Variants in POTEC observed in about 807,000 individuals in gnomAD.
The protein encoded by POTEC is POTE ankyrin domain family member C.
Under a neutral mutation model 62.0 loss-of-function variants are expected in POTEC, and 35 were observed. The ratio of observed to expected loss-of-function variants is 0.56; its 90% confidence interval spans 0.43 to 0.75. POTEC has a LOEUF of 0.75. POTEC is among the 30% of genes least tolerant of loss of function. The pLI is 0.00. For missense variants in POTEC, 472 were observed against 655.9 expected, an observed-to-expected ratio of 0.72 and a Z score of 3.06; for synonymous variants, 156 against 221.5, an observed-to-expected ratio of 0.70 and a Z score of 2.62.
chr18:14,523,883 G>T (rs1910370820), intron 7 of POTEC, among the ~76,000 whole-genome samples: 1 of 152,080 alleles, frequency 6.6e-6, no homozygotes, highest in African/African-American at 2.4e-5. Flanking sequence ...GATTTGTAGT[G>T]TTCCAAAGGC....
In POTEC at chr18:14,512,012, C is replaced by T; in HGVS notation, c.1534-19G>A. ...GAGAAAGCTAAGTAAACAAAGGGAACTTTTAGTTAGCACTCAATAGAATGA... is the reference window on the plus strand; with the variant it reads ...GAGAAAGCTAAGTAAACAAAGGGAATTTTTAGTTAGCACTCAATAGAATGA... On this transcript the variant is annotated intron_variant, in intron 10 of 10. Transcript: ENST00000358970. 6.3e-7 allele frequency: 1 copy of T among 1,578,238 alleles called. No homozygotes were observed. The highest frequency in any genetic ancestry group is 1.1e-5 in the South Asian group (1 of 88,126).
intron 2 of POTEC, 31 bp downstream of exon 2, chr18:14,538,104 T>C (rs768502255): frequency 3.7e-5 from 56 of 1,503,816 alleles, no homozygotes; most frequent in Non-Finnish European, 4.6e-5. Context: ...ATCAAACCCA[T>C]CTCACGCTGA....
intron 4 of POTEC, among the ~76,000 whole-genome samples, chr18:14,533,566 TA>T (rs1238133076): frequency 8.5e-5 from 13 of 152,112 alleles, no homozygotes; most frequent in African/African-American, 2.9e-4. Flanking sequence ...GAAAATTAGC[TA>T]GGGGGTAAGA....
rs1021574629 is a variant in POTEC, at chr18:14,537,390, T to A, written c.810+411A>T. ...ATACATCACCTCATATCTATTAGTG[T>A]TTTTTTAGGAATTTGTCAAAGTAGC... is the stretch of plus-strand genomic sequence containing the variant. On this transcript the variant is annotated intron_variant, in intron 3 of 10. Coordinates refer to ENST00000358970, the MANE Select transcript of POTEC (RefSeq NM_001137671.2). 4.6e-5 allele frequency among the ~76,000 whole-genome samples: 7 copies of A among 152,022 alleles called. No homozygotes were observed. The South Asian group carries it at 8.3e-4, about 18-fold the overall frequency.
At position 14,537,873 on chromosome 18, in the gene POTEC, A is replaced by G; in HGVS notation, c.738T>C (p.Ala246=). 1.2e-6 allele frequency: 2 copies of G among 1,612,354 alleles called. No homozygotes were observed. The highest frequency in any genetic ancestry group is 2.2e-5 in the East Asian group (1 of 44,876). Residue 246 remains alanine (A), a synonymous_variant, in exon 3 of 11, where the codon GCT becomes GCC. Coordinates refer to ENST00000358970, the MANE Select transcript of POTEC (RefSeq NM_001137671.2). ...DEYGNTTLHY[A]VHNEDKLMAK... ...CCATTAATTTATCTTCATTGTGGACAGCATAGTGTAGAGTGGTATTTCCAT... is the reference window on the plus strand; with the variant it reads ...CCATTAATTTATCTTCATTGTGGACGGCATAGTGTAGAGTGGTATTTCCAT...
rs1909870609 is a variant in POTEC, at chr18:14,507,386, C to G, written c.*4512G>C. The G allele has an allele frequency of 6.6e-6, 1 of 151,168 alleles. No individual in the cohort carries two copies. The highest frequency in any genetic ancestry group is 1.5e-5 in the Non-Finnish European group (1 of 67,874). The allele number at this position is 151,168 out of a possible 1,614,324, so 9.4% of individuals were successfully genotyped here. A position where few individuals can be genotyped will look rare whatever the true frequency, so the allele number is the denominator to read the frequency against. On this transcript the variant is annotated 3_prime_UTR_variant, in exon 11 of 11. Transcript: ENST00000358970. ...TTGGTATAGTCTGTTTTGTCAGAAA[C>G]TAGGAGTGCAACACCTGCTTTTTTC...
chr18:14,513,954 A>T (rs1216456795), intron 9 of POTEC, among the ~76,000 whole-genome samples, 169 bp from the exon 10 acceptor site: 6 of 152,170 alleles, frequency 3.9e-5, no homozygotes, highest in African/African-American at 1.4e-4. Context: ...TCATGTTGGC[A>T]CCAGGGACTA....
intron 6 of POTEC, among the ~76,000 whole-genome samples, chr18:14,528,612 T>C (rs1011920333): frequency 2.0e-5 from 3 of 151,820 alleles, no homozygotes; most frequent in Admixed American, 6.6e-5. Context: ...AAAGGAGACA[T>C]GAATAAAACA....
At chr18:14,537,223 A>AAC (rs1905770462) in intron 3 of POTEC, among the ~76,000 whole-genome samples, 1 of 125,792 alleles carries the variant, frequency 7.9e-6, no homozygotes, top group East Asian at 2.8e-4. Flanking sequence ...AAAAAAAAAA[A>AAC]AACAAAAAAA....
intron 9 of POTEC, among the ~76,000 whole-genome samples, chr18:14,519,752 T>C (rs1183762932): frequency 6.6e-6 from 1 of 151,356 alleles, no homozygotes. Flanking sequence ...AGAAAGAAGA[T>C]TGAGGAGTGA....
chr18:14,521,850 A>G (rs1406577273), intron 9 of POTEC, among the ~76,000 whole-genome samples: 2 of 152,168 alleles, frequency 1.3e-5, no homozygotes, highest in African/African-American at 4.8e-5. Flanking sequence ...ACCAGGGTCT[A>G]CTTGAGGGTG....
In POTEC at chr18:14,510,612, C is replaced by T. The variant is rs987517807; in HGVS notation, c.*1286G>A. The T allele has an allele frequency of 2.6e-5, 4 of 152,290 alleles. No homozygotes were observed. Among genetic ancestry groups the T allele is most frequent in the African/African-American group, 9.7e-5 (4 of 41,438 alleles). 9.4% of individuals were successfully genotyped at this position (152,290 alleles called of 1,614,324 possible). The stretch of plus-strand genomic sequence containing the variant: ...GCCTGAGAAAAAGCAAAGACGATAG[C>T]CTGCCCTTCCCTCTGGGAGCTCTGT... On this transcript the variant is annotated 3_prime_UTR_variant, in exon 11 of 11. Coordinates refer to ENST00000358970, the MANE Select transcript of POTEC (RefSeq NM_001137671.2).
At chr18:14,537,208 CACA>C (rs1394894615) in intron 3 of POTEC, among the ~76,000 whole-genome samples, 1 of 75,238 alleles carries the variant, frequency 1.3e-5, no homozygotes, top group African/African-American at 8.8e-5. Flanking sequence ...CACACACACA[CACA>C]AAAAAAAAAA....
Position 14,511,903 on chromosome 18 carries a change from T to C in POTEC, c.1624A>G (p.Asn542Asp), listed in dbSNP as rs1160621001. Residue 542 changes from asparagine to aspartate, a missense_variant, in exon 11 of 11, where the codon AAC (asparagine) becomes GAC (aspartate). By Grantham distance (23) the Asn-to-Asp change is conservative (BLOSUM62 1). Around this residue, in one of 5 missense-constraint regions of POTEC, gnomAD observed 67 missense variants for 58.3 expected, o/e 1.15. Transcript: ENST00000358970. Reference protein sequence around the residue: ...EIAMLISGDWN With the variant: ...EIAMLISGDWD ...GTTCTGATGTTTTGTTTCATCTAGT[T>C]CCAGTCTCCAGAAATTAGCATGGCA... 6.2e-7 allele frequency: 1 copy of C among 1,613,784 alleles called. No homozygotes were observed. Among genetic ancestry groups the C allele is most frequent in the South Asian group, 1.1e-5 (1 of 91,074 alleles).
chr18:14,540,092 A>C (rs944501809), intron 1 of POTEC, among the ~76,000 whole-genome samples: 6 of 79,918 alleles, frequency 7.5e-5, no homozygotes, highest in African/African-American at 1.1e-4. Flanking sequence ...AACTAAAATA[A>C]TTAATCCATA....
intron 9 of POTEC, among the ~76,000 whole-genome samples, chr18:14,515,540 T>C (rs1356662595): frequency 6.6e-6 from 1 of 152,004 alleles, no homozygotes; most frequent in Non-Finnish European, 1.5e-5. Context: ...TGTAAAAAAA[T>C]TAATTCAAGA....
chr18:14,517,209 A>C (rs558437239), intron 9 of POTEC, among the ~76,000 whole-genome samples: 1 of 152,188 alleles, frequency 6.6e-6, no homozygotes, highest in East Asian at 1.9e-4. Context: ...AACATAGTTA[A>C]TTGAAGGCAA....
intron 6 of POTEC, among the ~76,000 whole-genome samples, chr18:14,526,037 G>A (rs1385257073): frequency 3.9e-5 from 6 of 151,908 alleles, no homozygotes; most frequent in Non-Finnish European, 1.5e-5. Flanking sequence ...GAGAAGCTGG[G>A]ATTACAGGCA....
chr18:14,518,064 A>C (rs1910212166), intron 9 of POTEC, among the ~76,000 whole-genome samples: 1 of 152,234 alleles, frequency 6.6e-6, no homozygotes, highest in South Asian at 2.1e-4. Flanking sequence ...ACCGGGCAAA[A>C]CTGTTAGAAT....
Sources: gnomAD v4.1 joint callset for allele counts (sites outside exome capture counted in the v4.1 genomes callset) on GRCh38, gnomAD v4.1.1 for gene constraint, gnomAD v4.1.1 regional missense constraint, MANE v1.5 for transcripts, NCBI Gene and HGNC (gene_info 2026-07-23, HGNC 2026-07-21) for gene names.